Variants in TAS2R1 observed in about 807,000 individuals in gnomAD.
TAS2R1 encodes taste 2 receptor member 1.
For missense variants in TAS2R1, 370 were observed against 353.4 expected (o/e 1.05, Z -0.38); for synonymous variants, 141 against 134.2 (o/e 1.05, Z -0.35).
chr5:9,833,027 C>T, the TAS2R1 span, among the ~76,000 whole-genome samples: 1 of 152,212 alleles, frequency 6.6e-6, no homozygotes. Context: ...CAGAGGCTTT[C>T]AGGACATAGG....
At chr5:9,805,075 C>T in the TAS2R1 span, among the ~76,000 whole-genome samples, 4 of 151,770 alleles carry the variant, frequency 2.6e-5, no homozygotes, top group Admixed American at 6.6e-5. Context: ...AGAACCGATA[C>T]CACAGAAATC....
the TAS2R1 span, among the ~76,000 whole-genome samples, chr5:9,891,684 C>T: frequency 2.0e-5 from 3 of 152,270 alleles, 1 homozygote; most frequent in South Asian, 4.1e-4. Flanking sequence ...TTCCTCTGCC[C>T]ATATAACATG....
At chr5:9,733,203 A>T in the TAS2R1 span, among the ~76,000 whole-genome samples, 6 of 152,252 alleles carry the variant, frequency 3.9e-5, no homozygotes, top group Non-Finnish European at 7.3e-5. Context: ...AGGTCAGCAA[A>T]CTATGGTCCA....
chr5:9,886,289 C>T, the TAS2R1 span, among the ~76,000 whole-genome samples: 1 of 151,648 alleles, frequency 6.6e-6, no homozygotes, highest in Non-Finnish European at 1.5e-5. Context: ...GCCTCAGCCT[C>T]CCAAAGTGCT....
chr5:9,820,962 G>A, the TAS2R1 span, among the ~76,000 whole-genome samples: 1 of 152,038 alleles, frequency 6.6e-6, no homozygotes, highest in East Asian at 1.9e-4. Context: ...CATGAATCCC[G>A]GGAAAGAGCT....
At chr5:9,884,196 C>T in the TAS2R1 span, among the ~76,000 whole-genome samples, 1 of 152,124 alleles carries the variant, frequency 6.6e-6, no homozygotes, top group Non-Finnish European at 1.5e-5. Context: ...CTTCTTAGGG[C>T]CAGGCGTGGT....
intron 1 of TAS2R1, among the ~76,000 whole-genome samples, chr5:9,692,085 G>T (rs1306858614): frequency 6.6e-6 from 1 of 152,092 alleles, no homozygotes; most frequent in East Asian, 1.9e-4. Flanking sequence ...GTCCTCATCG[G>T]GCTCCGCAGT....
the TAS2R1 span, among the ~76,000 whole-genome samples, chr5:9,772,994 T>G: frequency 6.6e-6 from 1 of 152,086 alleles, no homozygotes; most frequent in Non-Finnish European, 1.5e-5. Context: ...TTTACTAATG[T>G]CACCATGTAC....
At chr5:9,711,463 C>G (rs542541647) in intron 1 of TAS2R1, among the ~76,000 whole-genome samples, 39 of 152,232 alleles carry the variant, frequency 2.6e-4, no homozygotes, top group African/African-American at 9.4e-4. Context: ...CTAAAGTAGT[C>G]AAACTCACAG....
At chr5:9,808,913 CAGG>C in the TAS2R1 span, among the ~76,000 whole-genome samples, 212 of 152,288 alleles carry the variant, frequency 1.4e-3, no homozygotes, top group South Asian at 2.9e-3. Context: ...CCCCATGGAG[CAGG>C]AGGAGCAGGG....
chr5:9,831,234 A>G, the TAS2R1 span, among the ~76,000 whole-genome samples: 1 of 150,268 alleles, frequency 6.7e-6, no homozygotes, highest in Non-Finnish European at 1.5e-5. Flanking sequence ...AACAACAGCA[A>G]ATACGTTTAT....
intron 2 of TAS2R1, chr5:9,641,638 T>A (rs1351733078): frequency 6.6e-6 from 1 of 152,254 alleles, no homozygotes; most frequent in African/African-American, 2.4e-5. Flanking sequence ...AAGGACATGT[T>A]CTCCAGCCTT....
At chr5:9,828,156 A>G in the TAS2R1 span, among the ~76,000 whole-genome samples, 3,706 of 151,374 alleles carry the variant, frequency 0.024, 142 homozygotes, top group African/African-American at 0.082. Context: ...ACAGAGTTTC[A>G]CTCTTGTCAC....
intron 1 of TAS2R1, among the ~76,000 whole-genome samples, chr5:9,670,198 C>T (rs544833232): frequency 2.0e-4 from 30 of 152,098 alleles, no homozygotes; most frequent in Non-Finnish European, 3.1e-4. Flanking sequence ...AAAATTGAAC[C>T]AGGAAGAAAT....
chr5:9,839,523 A>G, the TAS2R1 span, among the ~76,000 whole-genome samples: 1 of 152,244 alleles, frequency 6.6e-6, no homozygotes, highest in African/African-American at 2.4e-5. Context: ...TACTATCACA[A>G]CACTCTTGAC....
chr5:9,688,954 G>C (rs547576122), intron 1 of TAS2R1, among the ~76,000 whole-genome samples: 5 of 152,202 alleles, frequency 3.3e-5, no homozygotes, highest in Admixed American at 1.3e-4. Flanking sequence ...GTCAGAGCCA[G>C]GCCCTGGGAA....
At chr5:9,886,055 G>A in the TAS2R1 span, among the ~76,000 whole-genome samples, 4 of 147,922 alleles carry the variant, frequency 2.7e-5, no homozygotes, top group South Asian at 2.1e-4. Flanking sequence ...TTTTGGAGAC[G>A]GAGTCTTGCT....
At chr5:9,711,450 T>C (rs1418539672) in intron 1 of TAS2R1, among the ~76,000 whole-genome samples, 8 of 152,102 alleles carry the variant, frequency 5.3e-5, no homozygotes, top group Non-Finnish European at 1.0e-4. Flanking sequence ...TTATATGAGG[T>C]ATCTAAAGTA....
intron 1 of TAS2R1, among the ~76,000 whole-genome samples, chr5:9,670,123 C>T (rs1407294511): frequency 6.6e-6 from 1 of 152,092 alleles, no homozygotes; most frequent in African/African-American, 2.4e-5. Flanking sequence ...CTATGAACAC[C>T]TCTATGCACA....
Sources: gnomAD v4.1 joint callset for allele counts (sites outside exome capture counted in the v4.1 genomes callset) on GRCh38, gnomAD v4.1.1 for gene constraint, MANE v1.5 for transcripts, NCBI Gene and HGNC (gene_info 2026-07-23, HGNC 2026-07-21) for gene names.